NPAS2: variants seen among roughly 807,000 people sequenced by gnomAD.
NPAS2 encodes the protein neuronal PAS domain-containing protein 2.
Under a neutral mutation model 107.5 loss-of-function variants are expected in NPAS2, and 23 were observed. That is an observed-to-expected ratio of 0.21 (90% CI 0.15 to 0.30). The LOEUF is 0.30. NPAS2 is among the 10% of genes least tolerant of loss of function. The pLI is 1.00. For synonymous variants in NPAS2, 403 were observed against 417.5 expected, an observed-to-expected ratio of 0.97 and a Z score of 0.42; for missense variants, 756 against 1,043.3, an observed-to-expected ratio of 0.72 and a Z score of 3.79.
At chr2:100,869,810 G>A (rs1283136762) in intron 1 of NPAS2, among the ~76,000 whole-genome samples, 2 of 152,010 alleles carry the variant, frequency 1.3e-5, no homozygotes, top group Admixed American at 1.3e-4. Flanking sequence ...CTTGGGCCGG[G>A]GCTCCCCTCC....
intron 1 of NPAS2, among the ~76,000 whole-genome samples, chr2:100,890,734 A>C (rs992087443): frequency 2.0e-5 from 3 of 152,284 alleles, no homozygotes; most frequent in African/African-American, 7.2e-5. Context: ...TGAATATGTT[A>C]AATCTAATAC....
intron 2 of NPAS2, among the ~76,000 whole-genome samples, chr2:100,922,764 C>A (rs1486364911): frequency 6.6e-6 from 1 of 152,194 alleles, no homozygotes; most frequent in Admixed American, 6.5e-5. Flanking sequence ...CTGACAGCGA[C>A]CAGTTTCCAG....
intron 1 of NPAS2, among the ~76,000 whole-genome samples, chr2:100,846,401 G>A (rs1019426699): frequency 2.6e-5 from 4 of 152,118 alleles, no homozygotes; most frequent in Non-Finnish European, 5.9e-5. Context: ...TTTGAAGAGG[G>A]GATGGTTTTA....
chr2:100,963,994 TA>T (rs1676067057), intron 7 of NPAS2, 63 bp from the exon 8 acceptor site: 3 of 993,208 alleles, frequency 3.0e-6, no homozygotes, highest in Non-Finnish European at 4.8e-6. Flanking sequence ...AAGTGCCAAC[TA>T]GGGATTGGCT....
chr2:100,862,287 A>G lies in NPAS2; in HGVS notation c.-23+41873A>G, dbSNP rs57185786. 7.9e-3 allele frequency among the ~76,000 whole-genome samples: 1,198 copies of G among 152,318 alleles called. 12 individuals are homozygous for G. Among genetic ancestry groups the G allele is most frequent in the African/African-American group, 0.022 (933 of 41,576 alleles). ...ATCTGGCTTCTATGCAGTAGGTTCA[A>G]TCATTTCTGTAGATACAGATGTTGT... is the stretch of plus-strand genomic sequence containing the variant. On this transcript the variant is annotated intron_variant, in intron 1 of 20. Transcript: ENST00000335681.
At chr2:100,977,633 C>T (rs1225576399) in intron 14 of NPAS2, 77 bp from the exon 15 acceptor site, 2 of 1,290,326 alleles carry the variant, frequency 1.5e-6, no homozygotes, top group East Asian at 2.3e-5. Flanking sequence ...GCAGAGAACC[C>T]ACCGGACCAA....
intron 1 of NPAS2, among the ~76,000 whole-genome samples, chr2:100,872,818 AG>A (rs1679661107): frequency 6.6e-6 from 1 of 152,098 alleles, no homozygotes; most frequent in South Asian, 2.1e-4. Flanking sequence ...ATCCACCTCC[AG>A]GAAGTCCTCC....
chr2:100,917,381 A>G (rs1243727914), intron 2 of NPAS2, among the ~76,000 whole-genome samples: 1 of 152,066 alleles, frequency 6.6e-6, no homozygotes, highest in African/African-American at 2.4e-5. Flanking sequence ...TACAAAAATT[A>G]GCCAGGCGTG....
At position 100,840,491 on chromosome 2, in the gene NPAS2, G is replaced by A. The variant is rs144553590; in HGVS notation, c.-23+20077G>A. ...TTATTCATTTTTAGGTCCTTGAGAC[G>A]CACCATTTTATTAAATCCACTGTGT... On this transcript the variant is annotated intron_variant, in intron 1 of 20. Transcript: ENST00000335681. 1.8e-3 allele frequency among the ~76,000 whole-genome samples: 280 copies of A among 152,184 alleles called. 1 individual carries two copies. The highest frequency in any genetic ancestry group is 6.5e-3 in the African/African-American group (268 of 41,520).
chr2:100,898,255 C>G (rs1016954798), intron 1 of NPAS2, among the ~76,000 whole-genome samples: 1 of 152,100 alleles, frequency 6.6e-6, no homozygotes, highest in Non-Finnish European at 1.5e-5. Flanking sequence ...GAGACGGAAT[C>G]TTGCTGTGTT....
intron 5 of NPAS2, among the ~76,000 whole-genome samples, chr2:100,945,489 T>C (rs990862531): frequency 9.9e-5 from 15 of 152,206 alleles, no homozygotes; most frequent in Non-Finnish European, 5.9e-5. Context: ...CAGTGCTCTC[T>C]CCTTCCAGAC....
At position 100,965,940 on chromosome 2, in the gene NPAS2, G is replaced by A. The variant is rs139473460; in HGVS notation, c.907+174G>A. On this transcript the variant is annotated intron_variant, in intron 10 of 20. Transcript: ENST00000335681. This position sits in a 1 kb window ranked among gnomAD's most constrained non-coding sequence, Gnocchi z 4.3. Reference sequence around the variant, plus strand: ...GGCATGGTGGAGGCCCCTTATCCGCGTCTACCCCCATGTCACTGGAATTCA... The same window carrying A: ...GGCATGGTGGAGGCCCCTTATCCGCATCTACCCCCATGTCACTGGAATTCA... 1.6e-4 allele frequency among the ~76,000 whole-genome samples: 24 copies of A among 152,228 alleles called. No homozygotes were observed. Among genetic ancestry groups the A allele is most frequent in the East Asian group, 1.2e-3 (6 of 5,178 alleles).
intron 1 of NPAS2, among the ~76,000 whole-genome samples, chr2:100,869,495 G>A (rs1390597505): frequency 2.0e-5 from 3 of 152,158 alleles, no homozygotes; most frequent in Non-Finnish European, 4.4e-5. Context: ...GAAACCACTC[G>A]AAATGATCTC....
intron 1 of NPAS2, among the ~76,000 whole-genome samples, chr2:100,860,465 A>G (rs1318537435): frequency 1.3e-5 from 2 of 152,192 alleles, no homozygotes; most frequent in Non-Finnish European, 2.9e-5. Context: ...TCCTGAGACT[A>G]TGTAAATATA....
At chr2:100,872,700 G>A (rs1428354511) in intron 1 of NPAS2, among the ~76,000 whole-genome samples, 3 of 152,108 alleles carry the variant, frequency 2.0e-5, no homozygotes, top group Admixed American at 6.5e-5. Flanking sequence ...CCTCAGCATG[G>A]TGGATCTTTG....
At chr2:100,826,236 G>C (rs910618543) in intron 1 of NPAS2, among the ~76,000 whole-genome samples, 2 of 152,206 alleles carry the variant, frequency 1.3e-5, no homozygotes, top group African/African-American at 4.8e-5. Context: ...GAGGTCAGGA[G>C]TTCGAGACAA....
intron 1 of NPAS2, chr2:100,821,324 T>G: frequency 1.2e-6 from 1 of 807,528 alleles, no homozygotes; most frequent in Non-Finnish European, 1.7e-6. Flanking sequence ...CCCGAGCTTG[T>G]GTCCGGGAGG....
chr2:100,834,924 A>G (rs1676964080), intron 1 of NPAS2, among the ~76,000 whole-genome samples: 1 of 152,210 alleles, frequency 6.6e-6, no homozygotes, highest in African/African-American at 2.4e-5. Context: ...CATGTTGGCC[A>G]GGCTGGTCTC....
intron 3 of NPAS2, among the ~76,000 whole-genome samples, chr2:100,926,941 C>CTTTT (rs71378131): frequency 4.7e-5 from 6 of 126,868 alleles, no homozygotes; most frequent in African/African-American, 9.2e-5. Flanking sequence ...TTTTTTCTTT[C>CTTTT]TTTTTTTTTT....
Sources: gnomAD v4.1 joint callset for allele counts (sites outside exome capture counted in the v4.1 genomes callset) on GRCh38, gnomAD v4.1.1 for gene constraint, Gnocchi (gnomAD v3.1) non-coding constraint, MANE v1.5 for transcripts, NCBI Gene and HGNC (gene_info 2026-07-23, HGNC 2026-07-21) for gene names.